SGCZ: variants seen among roughly 807,000 people sequenced by gnomAD.
SGCZ encodes zeta-sarcoglycan.
In SGCZ, 40 loss-of-function variants were observed where a neutral mutation model predicts 41.3. The ratio of observed to expected loss-of-function variants is 0.97; its 90% confidence interval spans 0.75 to 1.26. The LOEUF is 1.26. Ranked by LOEUF, SGCZ falls within the 50% of genes most tolerant of loss-of-function variation. The pLI, the probability that SGCZ is intolerant of heterozygous loss-of-function variation, is 0.00. For synonymous variants in SGCZ, 206 were observed against 137.5 expected (o/e 1.50, Z -3.49); for missense variants, 552 against 369.8 (o/e 1.49, Z -4.04).
At chr8:15,219,144 G>C (rs1388503463) in intron 1 of SGCZ, among the ~76,000 whole-genome samples, 1 of 151,984 alleles carries the variant, frequency 6.6e-6, no homozygotes, top group African/African-American at 2.4e-5. Context: ...AAGATACTTG[G>C]CATATCATGT....
chr8:14,296,206 C>T (rs1364685216), intron 3 of SGCZ, among the ~76,000 whole-genome samples: 2 of 152,170 alleles, frequency 1.3e-5, no homozygotes, highest in Non-Finnish European at 2.9e-5. Flanking sequence ...CCAAAGCCAA[C>T]ACTCTTGAAG....
chr8:15,144,809 G>A (rs900627211), intron 1 of SGCZ, among the ~76,000 whole-genome samples: 1 of 152,184 alleles, frequency 6.6e-6, no homozygotes, highest in African/African-American at 2.4e-5. Flanking sequence ...GCAGGGAAAA[G>A]CAGCAGTGCT....
intron 2 of SGCZ, among the ~76,000 whole-genome samples, chr8:14,373,847 T>A (rs1258699276): frequency 6.6e-6 from 1 of 152,112 alleles, no homozygotes; most frequent in Non-Finnish European, 1.5e-5. Context: ...GAAAGCTGAT[T>A]CTAGATCTCT....
intron 1 of SGCZ, among the ~76,000 whole-genome samples, chr8:14,652,385 A>C (rs1229162369): frequency 6.7e-6 from 1 of 150,238 alleles, no homozygotes; most frequent in Non-Finnish European, 1.5e-5. Context: ...GAAATAATGC[A>C]TATATATTCA....
intron 1 of SGCZ, among the ~76,000 whole-genome samples, chr8:14,945,320 G>A (rs1362424159): frequency 2.6e-5 from 4 of 151,992 alleles, no homozygotes; most frequent in African/African-American, 9.7e-5. Flanking sequence ...CATAACCTTT[G>A]TCAAATAGTA....
chr8:15,142,210 G>T (rs1015807641), intron 1 of SGCZ, among the ~76,000 whole-genome samples: 2 of 152,058 alleles, frequency 1.3e-5, no homozygotes, highest in Non-Finnish European at 2.9e-5. Context: ...GGGTTTTAGG[G>T]TCTAAGATTT....
chr8:14,590,934 AT>A (rs1331591418), intron 1 of SGCZ, among the ~76,000 whole-genome samples: 1 of 150,364 alleles, frequency 6.7e-6, no homozygotes, highest in Admixed American at 6.7e-5. Context: ...TATATGTGCT[AT>A]ATAATGTATA....
intron 1 of SGCZ, among the ~76,000 whole-genome samples, chr8:14,768,956 T>G (rs1800135984): frequency 6.6e-6 from 1 of 152,050 alleles, no homozygotes. Context: ...TAAATCCTGA[T>G]CATTATTGTA....
Position 14,658,771 on chromosome 8 carries a change from C to A in SGCZ, c.40-103845G>T, listed in dbSNP as rs190550681. 6.5e-3 allele frequency among the ~76,000 whole-genome samples: 988 copies of A among 152,024 alleles called. 7 individuals are homozygous for A. Among genetic ancestry groups the A allele is most frequent in the Non-Finnish European group, 0.011 (780 of 68,016 alleles). ...GTTATTCGTTTAGCTCAGTAGAATG[C>A]AGTTTCCACAAGAGCAAGGATTTCT... On this transcript the variant is annotated intron_variant, in intron 1 of 7. Transcript: ENST00000382080.
intron 2 of SGCZ, among the ~76,000 whole-genome samples, chr8:14,505,906 C>T (rs1585606542): frequency 6.6e-6 from 1 of 152,134 alleles, no homozygotes; most frequent in South Asian, 2.1e-4. Flanking sequence ...TCAGGTGATT[C>T]GAACGCAAGC....
intron 4 of SGCZ, among the ~76,000 whole-genome samples, chr8:14,197,846 G>T (rs1379439546): frequency 6.6e-6 from 1 of 151,988 alleles, no homozygotes; most frequent in South Asian, 2.1e-4. Flanking sequence ...ATAACACAGA[G>T]TCTGGAAAAA....
intron 2 of SGCZ, among the ~76,000 whole-genome samples, chr8:14,518,548 G>T (rs1316998821): frequency 1.3e-5 from 2 of 152,048 alleles, no homozygotes; most frequent in African/African-American, 4.8e-5. Flanking sequence ...AAAATTTATT[G>T]TGAAATAAAA....
chr8:14,975,789 TTATA>T (rs371834276), intron 1 of SGCZ, among the ~76,000 whole-genome samples: 23 of 125,452 alleles, frequency 1.8e-4, no homozygotes, highest in African/African-American at 4.8e-4. Context: ...TTTTCCACTT[TTATA>T]TATATATATA....
Position 14,087,209 on chromosome 8 carries a change from A to T in SGCZ, c.*3234T>A, listed in dbSNP as rs750875527. Among the ~76,000 whole-genome samples, 3 of 151,654 alleles carry T rather than the reference A, an allele frequency of 2.0e-5. No individual in the cohort carries two copies. Among genetic ancestry groups the T allele is most frequent in the Non-Finnish European group, 4.4e-5 (3 of 67,708 alleles). ...ATATATTTTAGACATAAATGTGTGTATGTGTGTGTATGACTAATAAGTAAG... is the reference window on the plus strand; with the variant it reads ...ATATATTTTAGACATAAATGTGTGTTTGTGTGTGTATGACTAATAAGTAAG... On this transcript the variant is annotated 3_prime_UTR_variant, in exon 8 of 8. Transcript: ENST00000382080.
At chr8:14,925,897 C>T (rs745580688) in intron 1 of SGCZ, among the ~76,000 whole-genome samples, 2 of 152,242 alleles carry the variant, frequency 1.3e-5, no homozygotes, top group Middle Eastern at 6.8e-3. Context: ...AGCCTACCTA[C>T]TTTGGACACA....
intron 1 of SGCZ, among the ~76,000 whole-genome samples, chr8:15,159,733 CCCCCCCACCCTCCCCCCCA>C (rs1799449761): frequency 2.7e-5 from 1 of 36,536 alleles, no homozygotes; most frequent in Non-Finnish European, 6.0e-5. Flanking sequence ...TCGCCCCCGC[CCCCCCCACCCTCCCCCCCA>C]CCCCCGCCAC....
At chr8:15,060,449 C>T (rs1427463490) in intron 1 of SGCZ, among the ~76,000 whole-genome samples, 1 of 136,866 alleles carries the variant, frequency 7.3e-6, no homozygotes, top group African/African-American at 2.8e-5. Context: ...CGTTCTCACT[C>T]ATAGGTGGGA....
intron 5 of SGCZ, among the ~76,000 whole-genome samples, chr8:14,108,911 G>T (rs1435015873): frequency 1.3e-5 from 2 of 152,158 alleles, no homozygotes; most frequent in Non-Finnish European, 1.5e-5. Flanking sequence ...AAGTGAAATT[G>T]AGGGAGGGCT....
chr8:14,260,969 G>A (rs906429390), intron 3 of SGCZ, among the ~76,000 whole-genome samples: 2 of 152,116 alleles, frequency 1.3e-5, no homozygotes, highest in East Asian at 1.9e-4. Flanking sequence ...AGTGGGGAGG[G>A]ATAGCATTGG....
Sources: gnomAD v4.1 joint callset for allele counts (sites outside exome capture counted in the v4.1 genomes callset) on GRCh38, gnomAD v4.1.1 for gene constraint, MANE v1.5 for transcripts, NCBI Gene and HGNC (gene_info 2026-07-23, HGNC 2026-07-21) for gene names.